MACROD2: variants seen among roughly 807,000 people sequenced by gnomAD.
The protein encoded by MACROD2 is ADP-ribose glycohydrolase MACROD2.
A neutral mutation model predicts 70.4 loss-of-function variants in MACROD2; 36 were observed. The observed-to-expected ratio is 0.51, with a 90% CI of 0.39 to 0.68. MACROD2 has a LOEUF of 0.68. MACROD2 is among the 30% of genes least tolerant of loss of function. The pLI, the probability that MACROD2 is intolerant of heterozygous loss-of-function variation, is 0.00. For synonymous variants in MACROD2, 172 were observed against 178.8 expected, an observed-to-expected ratio of 0.96 and a Z score of 0.30; for missense variants, 496 against 538.4, an observed-to-expected ratio of 0.92 and a Z score of 0.78.
intron 3 of MACROD2, among the ~76,000 whole-genome samples, chr20:14,308,455 GTTA>G (rs1046597330): frequency 1.2e-4 from 19 of 152,208 alleles, no homozygotes; most frequent in Middle Eastern, 3.4e-3. Context: ...CTGTGAGGGT[GTTA>G]TTATTTTTAA....
At chr20:15,799,396 C>T (rs80296179) in intron 8 of MACROD2, among the ~76,000 whole-genome samples, 5,892 of 152,198 alleles carry the variant, frequency 0.039, 393 homozygotes, top group African/African-American at 0.13. Flanking sequence ...TTCTTTCTAT[C>T]TAATTCTCTA....
chr20:14,893,389 T>C (rs530087264), intron 5 of MACROD2: 35 of 152,288 alleles, frequency 2.3e-4, no homozygotes, highest in African/African-American at 8.2e-4. Context: ...TTTTTGATAG[T>C]GGCTAACACT....
intron 8 of MACROD2, among the ~76,000 whole-genome samples, chr20:15,547,375 C>T (rs1474627322): frequency 6.6e-6 from 1 of 152,172 alleles, no homozygotes; most frequent in Non-Finnish European, 1.5e-5. Context: ...ACTAGCTGTT[C>T]TTATCTCATA....
At chr20:15,028,671 G>A (rs1177911564) in intron 5 of MACROD2, among the ~76,000 whole-genome samples, 3 of 152,256 alleles carry the variant, frequency 2.0e-5, no homozygotes, top group South Asian at 2.1e-4. Context: ...AAGGTCAAGG[G>A]AAGGTCTTAC....
chr20:14,041,542 C>G (rs2053390304), intron 2 of MACROD2, among the ~76,000 whole-genome samples: 1 of 152,148 alleles, frequency 6.6e-6, no homozygotes, highest in Non-Finnish European at 1.5e-5. Context: ...TGTAACAGCT[C>G]TGGAAAACAG....
At chr20:15,609,106 A>G (rs1315997988) in intron 8 of MACROD2, among the ~76,000 whole-genome samples, 1 of 152,040 alleles carries the variant, frequency 6.6e-6, no homozygotes, top group East Asian at 1.9e-4. Context: ...ATGATCTGAA[A>G]TCCTCCCCTT....
intron 8 of MACROD2, among the ~76,000 whole-genome samples, chr20:15,655,402 T>C (rs983836947): frequency 6.6e-6 from 1 of 151,568 alleles, no homozygotes; most frequent in African/African-American, 2.4e-5. Context: ...CTTGGCAAGA[T>C]AGAGACAGCT....
chr20:14,452,142 T>C (rs983499454), intron 3 of MACROD2, among the ~76,000 whole-genome samples: 1 of 152,112 alleles, frequency 6.6e-6, no homozygotes, highest in African/African-American at 2.4e-5. Context: ...GTTTGGAAAT[T>C]ACAAGGATAG....
intron 8 of MACROD2, among the ~76,000 whole-genome samples, chr20:15,500,818 C>A (rs2047355470): frequency 6.6e-6 from 1 of 152,128 alleles, no homozygotes; most frequent in Non-Finnish European, 1.5e-5. Flanking sequence ...GTGGCCAAAC[C>A]TATCCATTTG....
intron 5 of MACROD2, among the ~76,000 whole-genome samples, chr20:15,071,968 A>T (rs1433022655): frequency 3.3e-5 from 5 of 152,144 alleles, no homozygotes; most frequent in Admixed American, 1.3e-4. Context: ...TGTTTAAAAA[A>T]TTTTTTAAGG....
At chr20:15,225,692 T>C (rs900669876) in intron 5 of MACROD2, among the ~76,000 whole-genome samples, 2 of 152,230 alleles carry the variant, frequency 1.3e-5, no homozygotes, top group African/African-American at 2.4e-5. Context: ...CATGAAGGCC[T>C]TCTTTGTCTA....
chr20:14,249,254 C>T lies in MACROD2; in HGVS notation c.271+163526C>T, dbSNP rs967130754. On this transcript the variant is annotated intron_variant, in intron 3 of 17. Coordinates refer to ENST00000684519, the MANE Select transcript of MACROD2 (RefSeq NM_001351661.2). ...GATGCAGTCCCCTGAAATCATTCTA[C>T]CACCCTCAATTGTGGCAGGAAATAT... 2.0e-5 allele frequency among the ~76,000 whole-genome samples: 3 copies of T among 150,584 alleles called. No homozygotes were observed. In the East Asian group the frequency reaches 5.9e-4, roughly 30 times the overall value.
intron 4 of MACROD2, among the ~76,000 whole-genome samples, chr20:14,588,389 C>G (rs1361622921): frequency 6.6e-6 from 1 of 152,032 alleles, no homozygotes; most frequent in Non-Finnish European, 1.5e-5. Flanking sequence ...TCTTCTTTAC[C>G]TTAATAGGTC....
chr20:15,481,132 A>G (rs1192477995), intron 7 of MACROD2, among the ~76,000 whole-genome samples: 1 of 152,248 alleles, frequency 6.6e-6, no homozygotes, highest in Non-Finnish European at 1.5e-5. Flanking sequence ...ATACATTGGA[A>G]TGCCATAGTT....
At chr20:14,430,119 A>G (rs1315854202) in intron 3 of MACROD2, among the ~76,000 whole-genome samples, 1 of 152,200 alleles carries the variant, frequency 6.6e-6, no homozygotes, top group Non-Finnish European at 1.5e-5. Context: ...GATTAAGTAT[A>G]GCATCAGTGA....
intron 2 of MACROD2, among the ~76,000 whole-genome samples, chr20:14,044,166 G>A (rs1004804922): frequency 6.6e-6 from 1 of 152,036 alleles, no homozygotes; most frequent in Non-Finnish European, 1.5e-5. Context: ...CCTTCTGGTG[G>A]GTTCGTGGTC....
chr20:14,906,513 A>T (rs1289026641), intron 5 of MACROD2, among the ~76,000 whole-genome samples: 1 of 152,154 alleles, frequency 6.6e-6, no homozygotes, highest in East Asian at 1.9e-4. Flanking sequence ...AGAAAAGAAA[A>T]AAAAATCAGC....
chr20:15,684,952 T>C (rs1039232208), intron 8 of MACROD2, among the ~76,000 whole-genome samples: 3 of 152,168 alleles, frequency 2.0e-5, no homozygotes. Context: ...GGACACTCAT[T>C]TATAAGCTCT....
chr20:15,779,643 T>G (rs928359738), intron 8 of MACROD2, among the ~76,000 whole-genome samples: 1 of 152,146 alleles, frequency 6.6e-6, no homozygotes, highest in African/African-American at 2.4e-5. Context: ...TGTTTGTTTC[T>G]TTGTTTGTGT....
Sources: allele counts gnomAD v4.1 joint callset (sites outside exome capture counted in the v4.1 genomes callset), GRCh38; gene constraint gnomAD v4.1.1; transcripts MANE v1.5; gene names NCBI Gene and HGNC (gene_info 2026-07-23, HGNC 2026-07-21).